RAB4B: variants seen among roughly 807,000 people sequenced by gnomAD.
RAB4B encodes ras-related protein Rab-4B.
Under a neutral mutation model 28.3 loss-of-function variants are expected in RAB4B, and 15 were observed. The ratio of observed to expected loss-of-function variants is 0.53; its 90% confidence interval spans 0.35 to 0.82. The LOEUF (loss-of-function observed/expected upper bound fraction) is 0.82. Among genes scored for constraint, RAB4B ranks in the 40% least tolerant of loss-of-function variants. The probability of loss-of-function intolerance (pLI) is 0.01; values close to 1 mark genes in which losing one functional copy is unlikely to be tolerated. For missense variants in RAB4B, 244 were observed against 288.5 expected (o/e 0.85, Z 1.12); for synonymous variants, 108 against 116.3 (o/e 0.93, Z 0.46).
chr19:40,793,023 C>T (rs1034379088), intron 7 of RAB4B, among the ~76,000 whole-genome samples: 10 of 152,200 alleles, frequency 6.6e-5, no homozygotes, highest in Non-Finnish European at 1.0e-4. Context: ...GTGATCCACC[C>T]GCCTCGGTCT....
intron 5 of RAB4B, 171 bp from the exon 6 acceptor site, chr19:40,786,494 G>C (rs927320929): frequency 1.1e-6 from 1 of 919,316 alleles, no homozygotes; most frequent in African/African-American, 1.7e-5. Context: ...GAGCTGGGTG[G>C]GCATATCGGG....
chr19:40,783,548 G>A (rs1568492107), intron 3 of RAB4B, among the ~76,000 whole-genome samples: 1 of 151,904 alleles, frequency 6.6e-6, no homozygotes, highest in Non-Finnish European at 1.5e-5. Flanking sequence ...CATAAATAGA[G>A]ACAGCTGGCC....
chr19:40,781,112 T>TAAAAAAAA (rs941942424), intron 3 of RAB4B, among the ~76,000 whole-genome samples: 33 of 76,594 alleles, frequency 4.3e-4, no homozygotes, highest in East Asian at 7.1e-4. Context: ...GTGTCTCTAC[T>TAAAAAAAA]AAAAAAAAAA....
At chr19:40,793,211 C>T (rs2083175180) in intron 7 of RAB4B, among the ~76,000 whole-genome samples, 2 of 151,760 alleles carry the variant, frequency 1.3e-5, no homozygotes, top group Admixed American at 6.6e-5. Flanking sequence ...TTTTCTGTCT[C>T]TTTTGGCCAA....
intron 7 of RAB4B, among the ~76,000 whole-genome samples, chr19:40,795,869 G>A (rs1023720577): frequency 6.6e-6 from 1 of 151,864 alleles, no homozygotes; most frequent in African/African-American, 2.4e-5. Flanking sequence ...CACCACACCT[G>A]GCTAATTTTG....
chr19:40,791,236 C>A (rs549679349), intron 7 of RAB4B, among the ~76,000 whole-genome samples: 2 of 151,806 alleles, frequency 1.3e-5, no homozygotes, highest in Non-Finnish European at 2.9e-5. Flanking sequence ...GTGATTCACC[C>A]GCCTTGGCCT....
chr19:40,793,583 T>G (rs1308051487), intron 7 of RAB4B, among the ~76,000 whole-genome samples: 2 of 122,728 alleles, frequency 1.6e-5, no homozygotes, highest in Non-Finnish European at 3.7e-5. Context: ...TTTTTTTTTT[T>G]TTTTTTTTTT....
intron 1 of RAB4B, chr19:40,779,004 C>A (rs1187366684): frequency 1.0e-6 from 1 of 985,504 alleles, no homozygotes; most frequent in East Asian, 1.1e-4. Context: ...GAGGGAGCCG[C>A]ATTCACTCAA....
intron 7 of RAB4B, among the ~76,000 whole-genome samples, chr19:40,794,319 C>T (rs1599752429): frequency 6.6e-6 from 1 of 151,638 alleles, no homozygotes; most frequent in Non-Finnish European, 1.5e-5. Context: ...TCAGGTGATC[C>T]GTCTGTCAGC....
At position 40,786,778 on chromosome 19, in the gene RAB4B, C is replaced by T. The variant is rs779795391; in HGVS notation, c.526+18C>T. 4 of 1,614,120 alleles carry T rather than the reference C, an allele frequency of 2.5e-6. No homozygotes were observed. In the Admixed American group the frequency reaches 6.7e-5, roughly 27 times the overall value. ...TGACTCAGGTGAGGCCCCGACCGGC[C>T]CGAGTGGGAGCGAAGGGCAGGCCCG... On this transcript the variant is annotated intron_variant, in intron 6 of 7. Coordinates refer to ENST00000357052, the MANE Select transcript of RAB4B (RefSeq NM_016154.5).
chr19:40,779,021 T>C (rs911543244), intron 1 of RAB4B: 4 of 985,324 alleles, frequency 4.1e-6, no homozygotes, highest in Non-Finnish European at 1.2e-6. Flanking sequence ...TCAACAAATA[T>C]AGAAGAGAAG....
At chr19:40,792,769 GTTTTCTTTTT>G (rs1452020015) in intron 7 of RAB4B, among the ~76,000 whole-genome samples, 2 of 152,058 alleles carry the variant, frequency 1.3e-5, no homozygotes, top group African/African-American at 4.8e-5. Flanking sequence ...GTTCCAGAAT[GTTTTCTTTTT>G]TTTTCTTTTC....
chr19:40,793,965 CA>C (rs1332037100), intron 7 of RAB4B, among the ~76,000 whole-genome samples: 2 of 151,612 alleles, frequency 1.3e-5, no homozygotes, highest in African/African-American at 4.8e-5. Context: ...CAAAACAAAA[CA>C]AAAAAACTCC....
At chr19:40,795,800 T>C (rs2083204589) in intron 7 of RAB4B, among the ~76,000 whole-genome samples, 1 of 152,010 alleles carries the variant, frequency 6.6e-6, no homozygotes, top group Non-Finnish European at 1.5e-5. Flanking sequence ...TTCTGCCTCC[T>C]GGGTTTACAA....
At chr19:40,786,513 AT>A in intron 5 of RAB4B, 151 bp from the exon 6 acceptor site, 2 of 1,162,086 alleles carry the variant, frequency 1.7e-6, no homozygotes, top group South Asian at 3.0e-5. Context: ...GGAAGCGGAC[AT>A]TAGTGGCAGG....
At chr19:40,783,147 C>CAAAAAAAAAAA (rs1168587843) in intron 3 of RAB4B, among the ~76,000 whole-genome samples, 2 of 35,682 alleles carry the variant, frequency 5.6e-5, no homozygotes, top group Non-Finnish European at 1.2e-4. Context: ...GATTCCTACT[C>CAAAAAAAAAAA]AAAAAAAAAA....
intron 5 of RAB4B, among the ~76,000 whole-genome samples, chr19:40,784,489 T>C (rs1287962807): frequency 1.5e-5 from 2 of 131,694 alleles, no homozygotes; most frequent in Non-Finnish European, 3.4e-5. Context: ...CAAGACACTG[T>C]CTCCAAAAAC....
chr19:40,783,242 G>C (rs183075317), intron 3 of RAB4B, among the ~76,000 whole-genome samples: 1 of 150,920 alleles, frequency 6.6e-6, no homozygotes, highest in Non-Finnish European at 1.5e-5. Flanking sequence ...GACCAGCCTC[G>C]GCAACCTAGC....
At position 40,786,622 on chromosome 19, in the gene RAB4B, G is replaced by A. The variant is rs775633935; in HGVS notation, c.431-43G>A. On this transcript the variant is annotated intron_variant, in intron 5 of 7. Coordinates refer to ENST00000357052, the MANE Select transcript of RAB4B (RefSeq NM_016154.5). ...GCAGGTGAGAGCTCAGTGGAGGGTG[G>A]GGACTAACTGGGGCCCTGACCTCAG... 3 of 1,610,740 alleles carry A rather than the reference G, an allele frequency of 1.9e-6. No individual in the cohort carries two copies. In the Admixed American group the frequency reaches 5.0e-5, roughly 27 times the overall value.
Sources: allele counts gnomAD v4.1 joint callset (sites outside exome capture counted in the v4.1 genomes callset), GRCh38; gene constraint gnomAD v4.1.1; transcripts MANE v1.5; gene names NCBI Gene and HGNC (gene_info 2026-07-23, HGNC 2026-07-21).